GALNTL6: variants seen among roughly 807,000 people sequenced by gnomAD.
The protein encoded by GALNTL6 is polypeptide N-acetylgalactosaminyltransferase like 6.
A neutral mutation model predicts 73.7 loss-of-function variants in GALNTL6; 46 were observed. The observed-to-expected ratio is 0.62, with a 90% CI of 0.49 to 0.80. GALNTL6 has a LOEUF of 0.80. Among genes scored for constraint, GALNTL6 ranks in the 30% least tolerant of loss-of-function variants. GALNTL6 has a pLI of 0.00. For synonymous variants in GALNTL6, 259 were observed against 263.7 expected (o/e 0.98, Z 0.17); for missense variants, 604 against 755.0 (o/e 0.80, Z 2.34).
chr4:172,126,019 G>T (rs1733284169), intron 2 of GALNTL6, among the ~76,000 whole-genome samples: 1 of 151,722 alleles, frequency 6.6e-6, no homozygotes, highest in Non-Finnish European at 1.5e-5. Context: ...ATACACATTA[G>T]AATTTTTAAC....
At chr4:172,596,906 AT>A (rs567519013) in intron 5 of GALNTL6, among the ~76,000 whole-genome samples, 14 of 152,200 alleles carry the variant, frequency 9.2e-5, no homozygotes, top group Non-Finnish European at 2.1e-4. Flanking sequence ...ACAAGGAGAC[AT>A]TTACATATTT....
chr4:171,953,235 TG>T (rs1189439416), intron 2 of GALNTL6, among the ~76,000 whole-genome samples: 8 of 150,668 alleles, frequency 5.3e-5, no homozygotes, highest in African/African-American at 2.0e-4. Flanking sequence ...CGTGTGTGTG[TG>T]TGTGTGTGTG....
At chr4:172,358,218 T>G (rs1211045690) in intron 5 of GALNTL6, among the ~76,000 whole-genome samples, 1 of 152,178 alleles carries the variant, frequency 6.6e-6, no homozygotes, top group African/African-American at 2.4e-5. Flanking sequence ...CTTGAGGCCT[T>G]GCAAAGAACT....
At chr4:171,905,193 G>A (rs1390957223) in intron 2 of GALNTL6, among the ~76,000 whole-genome samples, 2 of 151,780 alleles carry the variant, frequency 1.3e-5, no homozygotes, top group Non-Finnish European at 2.9e-5. Context: ...AAAAGACACA[G>A]ACTGGCAAAT....
chr4:172,207,862 A>G lies in GALNTL6; in HGVS notation c.139-21794A>G, dbSNP rs1736192885. On this transcript the variant is annotated intron_variant, in intron 2 of 12. Coordinates refer to ENST00000506823, the MANE Select transcript of GALNTL6 (RefSeq NM_001034845.3). ...GATACACATCAAGTTTGTTATGATT[A>G]TTCCTAAACTACAGCGTATTTTATT... Among the ~76,000 whole-genome samples the G allele has an allele frequency of 6.6e-5, 10 of 152,340 alleles. No homozygotes were observed. In the South Asian group the frequency reaches 2.1e-3, roughly 32 times the overall value.
chr4:172,435,017 T>C (rs1731584881), intron 5 of GALNTL6, among the ~76,000 whole-genome samples: 1 of 152,046 alleles, frequency 6.6e-6, no homozygotes. Context: ...ATATTTACTT[T>C]ATATTTTTGC....
At chr4:172,792,162 A>G (rs1740029219) in intron 5 of GALNTL6, among the ~76,000 whole-genome samples, 1 of 152,364 alleles carries the variant, frequency 6.6e-6, no homozygotes. Context: ...CATCAAAACC[A>G]TGACGTGAAA....
At chr4:172,863,554 C>T (rs1744506201) in intron 7 of GALNTL6, among the ~76,000 whole-genome samples, 1 of 152,168 alleles carries the variant, frequency 6.6e-6, no homozygotes, top group South Asian at 2.1e-4. Flanking sequence ...TTTGTTTTGG[C>T]CAATTTCTCC....
chr4:173,040,154 C>T lies in GALNTL6; in HGVS notation c.*54C>T, dbSNP rs1320393983. 2 of 1,387,686 alleles carry T rather than the reference C, an allele frequency of 1.4e-6. No individual in the cohort carries two copies. The highest frequency in any genetic ancestry group is 2.0e-6 in the Non-Finnish European group (2 of 1,004,706). 86.0% of individuals were successfully genotyped at this position (1,387,686 alleles called of 1,614,324 possible). ...CTACAGGTTATAAATTAAATTTTAG[C>T]CAGCATCTGGGTCGAAGGAGTCAGG... On this transcript the variant is annotated 3_prime_UTR_variant, in exon 13 of 13. Coordinates refer to ENST00000506823, the MANE Select transcript of GALNTL6 (RefSeq NM_001034845.3).
intron 5 of GALNTL6, among the ~76,000 whole-genome samples, chr4:172,689,738 A>C (rs566273718): frequency 1.3e-5 from 2 of 152,264 alleles, no homozygotes; most frequent in East Asian, 3.9e-4. Flanking sequence ...AACCACGCCA[A>C]ATATTTAACA....
chr4:172,158,156 T>C (rs1263567587), intron 2 of GALNTL6, among the ~76,000 whole-genome samples: 2 of 152,198 alleles, frequency 1.3e-5, no homozygotes, highest in African/African-American at 2.4e-5. Context: ...CACCAGCAGA[T>C]GGCCCTCTCT....
intron 8 of GALNTL6, among the ~76,000 whole-genome samples, chr4:172,887,068 G>A (rs1745761021): frequency 6.6e-6 from 1 of 152,010 alleles, no homozygotes; most frequent in African/African-American, 2.4e-5. Context: ...CCTCTTATAA[G>A]TGAAAACATG....
chr4:172,921,936 A>G (rs1431438176), intron 8 of GALNTL6, among the ~76,000 whole-genome samples: 1 of 152,146 alleles, frequency 6.6e-6, no homozygotes. Context: ...CTACTAAAGT[A>G]TGGAGATATG....
intron 12 of GALNTL6, among the ~76,000 whole-genome samples, chr4:173,037,032 A>C (rs1753725270): frequency 6.6e-6 from 1 of 152,200 alleles, no homozygotes; most frequent in African/African-American, 2.4e-5. Context: ...CTGAGTAGAA[A>C]CGTAAAGATG....
intron 2 of GALNTL6, among the ~76,000 whole-genome samples, chr4:172,164,615 G>T (rs1266229812): frequency 6.6e-6 from 1 of 151,938 alleles, no homozygotes; most frequent in Non-Finnish European, 1.5e-5. Flanking sequence ...ACTAATAATA[G>T]ATTTTTTCTC....
intron 2 of GALNTL6, among the ~76,000 whole-genome samples, chr4:171,977,064 T>A (rs887090051): frequency 6.6e-6 from 1 of 152,334 alleles, no homozygotes; most frequent in Admixed American, 6.5e-5. Context: ...TTCCTTTTAC[T>A]GATTAATATA....
chr4:172,722,433 A>T (rs960996772), intron 5 of GALNTL6, among the ~76,000 whole-genome samples: 2 of 152,204 alleles, frequency 1.3e-5, no homozygotes, highest in African/African-American at 4.8e-5. Flanking sequence ...CATTTTAAAA[A>T]TAATCACTCT....
intron 2 of GALNTL6, among the ~76,000 whole-genome samples, chr4:171,843,725 T>C (rs1196639487): frequency 6.6e-6 from 1 of 152,146 alleles, no homozygotes; most frequent in Non-Finnish European, 1.5e-5. Flanking sequence ...TGGATGAATT[T>C]ACTGCCAAAA....
chr4:172,376,375 C>T (rs1023551328), intron 5 of GALNTL6, among the ~76,000 whole-genome samples: 1 of 152,132 alleles, frequency 6.6e-6, no homozygotes, highest in Non-Finnish European at 1.5e-5. Context: ...GAGTTCTGCT[C>T]ATGGCCGCAT....
Sources: gnomAD v4.1 joint callset for allele counts (sites outside exome capture counted in the v4.1 genomes callset) on GRCh38, gnomAD v4.1.1 for gene constraint, MANE v1.5 for transcripts, NCBI Gene and HGNC (gene_info 2026-07-23, HGNC 2026-07-21) for gene names.